DCC: variants seen among roughly 807,000 people sequenced by gnomAD.
The protein encoded by DCC is DCC netrin 1 receptor.
Under a neutral mutation model 172.5 loss-of-function variants are expected in DCC, and 58 were observed. That is an observed-to-expected ratio of 0.34 (90% CI 0.27 to 0.42). DCC has a LOEUF of 0.42. Ranked by LOEUF, DCC falls within the 10% of genes least tolerant of loss-of-function variation. DCC has a pLI of 1.00. For synonymous variants in DCC, 709 were observed against 644.5 expected (o/e 1.10, Z -1.52); for missense variants, 1,740 against 1,791.0 (o/e 0.97, Z 0.51).
chr18:53,215,873 C>G (rs1200234590), intron 12 of DCC, among the ~76,000 whole-genome samples: 2 of 152,116 alleles, frequency 1.3e-5, no homozygotes, highest in Non-Finnish European at 1.5e-5. Context: ...AAAGGCTATT[C>G]CATAAGGAAA....
chr18:52,503,425 C>T (rs1384104598), intron 1 of DCC, among the ~76,000 whole-genome samples: 2 of 152,124 alleles, frequency 1.3e-5, no homozygotes, highest in African/African-American at 4.8e-5. Context: ...ATCTAAGCCC[C>T]TCCCTACTCA....
chr18:53,387,214 G>T (rs1272470429), intron 16 of DCC, among the ~76,000 whole-genome samples: 1 of 152,140 alleles, frequency 6.6e-6, no homozygotes, highest in Admixed American at 6.5e-5. Flanking sequence ...AGTGCAGTTT[G>T]TTTGCCAAAT....
intron 2 of DCC, among the ~76,000 whole-genome samples, chr18:52,845,110 C>T (rs2038864474): frequency 6.6e-6 from 1 of 151,972 alleles, no homozygotes; most frequent in Non-Finnish European, 1.5e-5. Context: ...TTTCAGATCC[C>T]TTGGGAAAAG....
chr18:52,907,250 A>ATGATATGTCATGGATATATACC (rs2039898014), intron 3 of DCC, among the ~76,000 whole-genome samples: 1 of 150,512 alleles, frequency 6.6e-6, no homozygotes, highest in Non-Finnish European at 1.5e-5. Context: ...TCATATATAC[A>ATGATATGTCATGGATATATACC]TGATATGTCA....
chr18:52,963,929 T>C (rs1217999159), intron 5 of DCC, among the ~76,000 whole-genome samples: 3 of 152,086 alleles, frequency 2.0e-5, no homozygotes, highest in African/African-American at 7.2e-5. Context: ...TATTTAGTGC[T>C]TACCTTGCAC....
chr18:52,366,935 T>C (rs1984891920), intron 1 of DCC, among the ~76,000 whole-genome samples: 1 of 152,188 alleles, frequency 6.6e-6, no homozygotes, highest in African/African-American at 2.4e-5. Context: ...TCGATGGGAC[T>C]GGGCGCCGTG....
At chr18:52,462,681 C>A (rs375570461) in intron 1 of DCC, among the ~76,000 whole-genome samples, 1 of 151,946 alleles carries the variant, frequency 6.6e-6, no homozygotes, top group African/African-American at 2.4e-5. Flanking sequence ...TGTCATACAC[C>A]GTCTGTTTGT....
At chr18:52,724,473 T>C (rs2036522560) in intron 1 of DCC, among the ~76,000 whole-genome samples, 1 of 152,154 alleles carries the variant, frequency 6.6e-6, no homozygotes, top group Non-Finnish European at 1.5e-5. Flanking sequence ...TAATCCTTTC[T>C]CAATAGCCAG....
At chr18:53,323,385 A>G (rs1424103636) in intron 14 of DCC, among the ~76,000 whole-genome samples, 1 of 152,202 alleles carries the variant, frequency 6.6e-6, no homozygotes, top group Non-Finnish European at 1.5e-5. Flanking sequence ...TGATATTTCC[A>G]TAATAATGTT....
intron 1 of DCC, among the ~76,000 whole-genome samples, chr18:52,387,181 C>T (rs1985833262): frequency 6.6e-6 from 1 of 152,112 alleles, no homozygotes; most frequent in Admixed American, 6.5e-5. Flanking sequence ...TCTTTGCTTC[C>T]TGTCTAATGT....
At chr18:53,248,665 A>G (rs2056394067) in intron 12 of DCC, among the ~76,000 whole-genome samples, 1 of 152,038 alleles carries the variant, frequency 6.6e-6, no homozygotes, top group Admixed American at 6.6e-5. Context: ...AGCCAATTAA[A>G]CACTTTGTTT....
At chr18:53,146,986 T>C (rs2043925334) in intron 7 of DCC, among the ~76,000 whole-genome samples, 1 of 152,176 alleles carries the variant, frequency 6.6e-6, no homozygotes, top group African/African-American at 2.4e-5. Flanking sequence ...TCTAGAGGAA[T>C]TAATATTGTT....
intron 21 of DCC, among the ~76,000 whole-genome samples, chr18:53,417,973 A>G (rs1425360242): frequency 6.6e-6 from 1 of 152,156 alleles, no homozygotes; most frequent in Non-Finnish European, 1.5e-5. Flanking sequence ...TGAGTCTCAC[A>G]TCTACAATAA....
chr18:53,161,408 G>A (rs973426136), intron 8 of DCC, among the ~76,000 whole-genome samples: 8 of 152,028 alleles, frequency 5.3e-5, no homozygotes, highest in Non-Finnish European at 1.2e-4. Flanking sequence ...TCATTTTCAG[G>A]CTCTTTTTAC....
At chr18:53,171,284 C>T (rs1057147175) in intron 8 of DCC, among the ~76,000 whole-genome samples, 5 of 152,132 alleles carry the variant, frequency 3.3e-5, no homozygotes, top group African/African-American at 1.2e-4. Context: ...TGGTTTAAAA[C>T]CACTACGAGC....
At chr18:52,552,538 T>C (rs2032804008) in intron 1 of DCC, among the ~76,000 whole-genome samples, 1 of 152,046 alleles carries the variant, frequency 6.6e-6, no homozygotes, top group South Asian at 2.1e-4. Context: ...ATAAGAAGTG[T>C]ATATTTATCA....
intron 2 of DCC, among the ~76,000 whole-genome samples, chr18:52,849,845 A>T (rs1022900316): frequency 1.3e-5 from 2 of 152,214 alleles, no homozygotes; most frequent in African/African-American, 4.8e-5. Context: ...GAGGCTTAGC[A>T]GAGAGAGTAC....
intron 10 of DCC, among the ~76,000 whole-genome samples, chr18:53,207,334 G>T (rs2055668349): frequency 6.6e-6 from 1 of 152,122 alleles, no homozygotes; most frequent in African/African-American, 2.4e-5. Flanking sequence ...TTCCATTTTG[G>T]GTACAGGAGA....
At position 53,351,384 on chromosome 18, in the gene DCC, G is replaced by GTA. The variant is rs370606630; in HGVS notation, c.2359+11488_2359+11489dup. Among the ~76,000 whole-genome samples the GTA allele has an allele frequency of 8.2e-3, 167 of 20,318 alleles. 5 individuals carry two copies. The highest frequency in any genetic ancestry group is 0.026 in the African/African-American group (149 of 5,710). The allele number at this position is 20,318 out of a possible 152,430, so 13.3% of individuals were successfully genotyped here. A position where few individuals can be genotyped will look rare whatever the true frequency, so the allele number is the denominator to read the frequency against. On this transcript the variant is annotated intron_variant, in intron 15 of 28. Coordinates refer to ENST00000442544, the MANE Select transcript of DCC (RefSeq NM_005215.4). ...TATATATACTGTATATATATATACA[G>GTA]TATATATATATACAGTGTATATATA...
Sources: allele counts gnomAD v4.1 joint callset (sites outside exome capture counted in the v4.1 genomes callset), GRCh38; gene constraint gnomAD v4.1.1; transcripts MANE v1.5; gene names NCBI Gene and HGNC (gene_info 2026-07-23, HGNC 2026-07-21).